Variants in GNAO1 observed in about 807,000 individuals in gnomAD.
GNAO1 encodes the protein guanine nucleotide-binding protein G(o) subunit alpha.
For synonymous variants in GNAO1, 164 were observed against 180.7 expected (o/e 0.91, Z 0.74); for missense variants, 166 against 478.7 (o/e 0.35, Z 6.10).
At chr16:56,261,910 G>A (rs1337316981) in intron 2 of GNAO1, among the ~76,000 whole-genome samples, 1 of 152,182 alleles carries the variant, frequency 6.6e-6, no homozygotes, top group Non-Finnish European at 1.5e-5. Flanking sequence ...ACTCCTGACT[G>A]CTAAGAACAG....
intron 3 of GNAO1, among the ~76,000 whole-genome samples, chr16:56,312,354 G>T (rs1357844954): frequency 6.6e-6 from 1 of 152,230 alleles, no homozygotes; most frequent in South Asian, 2.1e-4. Context: ...AAGCCTCCTG[G>T]TAAGTGCTCG....
chr16:56,268,796 C>T (rs2143503482), intron 2 of GNAO1, among the ~76,000 whole-genome samples: 1 of 152,342 alleles, frequency 6.6e-6, no homozygotes, highest in Admixed American at 6.5e-5. Context: ...AGGACACACA[C>T]TGTAACCAGC....
intron 3 of GNAO1, among the ~76,000 whole-genome samples, chr16:56,291,451 G>T (rs1218357649): frequency 2.0e-5 from 3 of 152,166 alleles, no homozygotes; most frequent in Admixed American, 2.0e-4. Flanking sequence ...TCTAAATGGG[G>T]TTATTTGTCT....
intron 3 of GNAO1, among the ~76,000 whole-genome samples, chr16:56,297,571 G>GTGTA (rs1491461466): frequency 5.2e-5 from 7 of 133,654 alleles, no homozygotes; most frequent in African/African-American, 1.7e-4. Context: ...GTGTGTGTGT[G>GTGTA]TATGCATGTG....
intron 3 of GNAO1, among the ~76,000 whole-genome samples, chr16:56,310,960 A>G (rs529347137): frequency 3.9e-5 from 6 of 152,274 alleles, no homozygotes; most frequent in African/African-American, 1.4e-4. Flanking sequence ...GCCTTGACCC[A>G]GAAGTGGTAT....
intron 6 of GNAO1, chr16:56,344,002 T>C (rs1163961255): frequency 1.9e-6 from 3 of 1,595,932 alleles, no homozygotes; most frequent in African/African-American, 1.3e-5. Context: ...CCGCCCCCCC[T>C]CCCCTGGAAC....
chr16:56,314,701 G>A (rs1331612958), intron 3 of GNAO1, among the ~76,000 whole-genome samples: 1 of 152,204 alleles, frequency 6.6e-6, no homozygotes, highest in African/African-American at 2.4e-5. Context: ...TGTATCTGCT[G>A]CTGCTACTTT....
At chr16:56,338,694 G>A (rs931525399) in intron 6 of GNAO1, among the ~76,000 whole-genome samples, 11 of 152,352 alleles carry the variant, frequency 7.2e-5, no homozygotes, top group Admixed American at 3.3e-4. Flanking sequence ...CAGGCCCACC[G>A]GCCATGGGGC....
chr16:56,296,069 A>G (rs1326104501), intron 3 of GNAO1, among the ~76,000 whole-genome samples: 1 of 152,242 alleles, frequency 6.6e-6, no homozygotes, highest in African/African-American at 2.4e-5. Context: ...CAGAAAATTC[A>G]ATTATAAAGC....
chr16:56,211,242 C>A (rs2036384118), intron 2 of GNAO1, among the ~76,000 whole-genome samples: 1 of 152,280 alleles, frequency 6.6e-6, no homozygotes, highest in South Asian at 2.1e-4. Context: ...TATTGATAAC[C>A]CCTTTTTATA....
chr16:56,272,220 A>G (rs2037024416), intron 2 of GNAO1, among the ~76,000 whole-genome samples: 1 of 152,128 alleles, frequency 6.6e-6, no homozygotes, highest in Non-Finnish European at 1.5e-5. Context: ...GAGGCAGGAG[A>G]ATGGCATGAA....
intron 2 of GNAO1, among the ~76,000 whole-genome samples, chr16:56,242,053 G>A (rs1303172842): frequency 1.3e-5 from 2 of 152,158 alleles, no homozygotes; most frequent in African/African-American, 4.8e-5. Flanking sequence ...TGCCAGCCCA[G>A]GACAGTCTCT....
At chr16:56,263,894 G>A (rs2036927567) in intron 2 of GNAO1, among the ~76,000 whole-genome samples, 1 of 152,228 alleles carries the variant, frequency 6.6e-6, no homozygotes, top group Non-Finnish European at 1.5e-5. Flanking sequence ...CCAAGCTTAT[G>A]CCAGCTGGTC....
At position 56,356,555 on chromosome 16, in the gene GNAO1, C is replaced by G. The variant is rs890027749; in HGVS notation, c.*481C>G. On this transcript the variant is annotated 3_prime_UTR_variant, in exon 9 of 9. Coordinates refer to ENST00000262493, the MANE Select transcript of GNAO1 (RefSeq NM_020988.3). ...AGGCCACAGGCCACTGCAAACCCTG[C>G]TGCCTGCCGGCCGCCCAGACACCAC... is the stretch of plus-strand genomic sequence containing the variant. 1 of 152,788 alleles carries G rather than the reference C, an allele frequency of 6.5e-6. No individual in the cohort carries two copies. Among genetic ancestry groups the G allele is most frequent in the African/African-American group, 2.4e-5 (1 of 41,470 alleles). The allele number at this position is 152,788 out of a possible 1,614,324, so 9.5% of individuals were successfully genotyped here.
chr16:56,289,116 A>C (rs2037204941), intron 3 of GNAO1, among the ~76,000 whole-genome samples: 1 of 152,126 alleles, frequency 6.6e-6, no homozygotes, highest in South Asian at 2.1e-4. Context: ...ACTTTCTCTT[A>C]AGGAGGGAGT....
At chr16:56,349,565 T>C (rs969894923) in intron 6 of GNAO1, among the ~76,000 whole-genome samples, 11 of 152,186 alleles carry the variant, frequency 7.2e-5, no homozygotes, top group Non-Finnish European at 1.0e-4. Flanking sequence ...ATCACACAGA[T>C]GACAGGGAAA....
At chr16:56,350,414 G>T (rs901257537) in intron 6 of GNAO1, among the ~76,000 whole-genome samples, 3 of 152,192 alleles carry the variant, frequency 2.0e-5, no homozygotes, top group Non-Finnish European at 4.4e-5. Flanking sequence ...TTCGTTCACA[G>T]AGAAAGATGC....
intron 3 of GNAO1, among the ~76,000 whole-genome samples, chr16:56,283,219 A>C (rs985358353): frequency 2.6e-5 from 4 of 152,122 alleles, no homozygotes; most frequent in African/African-American, 9.7e-5. Context: ...ATTTCCCTTG[A>C]AGAGACTCAA....
intron 3 of GNAO1, among the ~76,000 whole-genome samples, chr16:56,284,491 G>C (rs2037145853): frequency 6.6e-6 from 1 of 152,208 alleles, no homozygotes; most frequent in Admixed American, 6.5e-5. Context: ...CCAACCCAAA[G>C]GAACTGCAGT....
Sources: gnomAD v4.1 joint callset for allele counts (sites outside exome capture counted in the v4.1 genomes callset) on GRCh38, gnomAD v4.1.1 for gene constraint, MANE v1.5 for transcripts, NCBI Gene and HGNC (gene_info 2026-07-23, HGNC 2026-07-21) for gene names.